SMYD3: variants seen among roughly 807,000 people sequenced by gnomAD.
SMYD3 encodes the protein SET and MYND domain containing 3.
A neutral mutation model predicts 57.7 loss-of-function variants in SMYD3; 36 were observed. The ratio of observed to expected loss-of-function variants is 0.62; its 90% confidence interval spans 0.48 to 0.82. SMYD3 has a LOEUF of 0.82. Among genes scored for constraint, SMYD3 ranks in the 40% least tolerant of loss-of-function variants. The pLI is 0.00. For synonymous variants in SMYD3, 211 were observed against 195.0 expected (o/e 1.08, Z -0.68); for missense variants, 515 against 538.8 (o/e 0.96, Z 0.44).
intron 5 of SMYD3, among the ~76,000 whole-genome samples, chr1:246,236,297 A>G (rs2063511397): frequency 6.6e-6 from 1 of 152,144 alleles, no homozygotes; most frequent in South Asian, 2.1e-4. Context: ...GTGGCGCAAT[A>G]ATAGCTCACT....
At chr1:246,032,434 C>G (rs1192681447) in intron 5 of SMYD3, among the ~76,000 whole-genome samples, 1 of 152,194 alleles carries the variant, frequency 6.6e-6, no homozygotes, top group Non-Finnish European at 1.5e-5. Context: ...CTGAGCATTA[C>G]CAGCCATGAG....
intron 10 of SMYD3, among the ~76,000 whole-genome samples, chr1:245,850,972 A>T (rs527815200): frequency 9.6e-4 from 146 of 151,952 alleles, no homozygotes; most frequent in Non-Finnish European, 1.6e-3. Context: ...ACAGGGGTTT[A>T]GCCATAGGGA....
At chr1:246,241,972 T>G (rs2063620165) in intron 5 of SMYD3, among the ~76,000 whole-genome samples, 1 of 152,110 alleles carries the variant, frequency 6.6e-6, no homozygotes, top group South Asian at 2.1e-4. Context: ...ATCTATTTGA[T>G]TCTTCTCTCT....
chr1:246,481,605 TATACACATAC>T (rs1469162046), intron 1 of SMYD3, among the ~76,000 whole-genome samples: 1,207 of 86,142 alleles, frequency 0.014, 112 homozygotes, highest in African/African-American at 0.057. Context: ...TATATATATA[TATACACATAC>T]ATATATACAT....
At chr1:246,013,650 T>C (rs1376442087) in intron 5 of SMYD3, among the ~76,000 whole-genome samples, 2 of 152,196 alleles carry the variant, frequency 1.3e-5, no homozygotes, top group Non-Finnish European at 2.9e-5. Flanking sequence ...AACTGACTGA[T>C]GGGTAAATCA....
At chr1:246,430,374 G>T (rs963473521) in intron 1 of SMYD3, among the ~76,000 whole-genome samples, 1 of 152,248 alleles carries the variant, frequency 6.6e-6, no homozygotes, top group South Asian at 2.1e-4. Context: ...AAGGCAAGAA[G>T]CAAGAGTAAA....
chr1:246,088,517 G>A (rs1269068254), intron 5 of SMYD3, among the ~76,000 whole-genome samples: 1 of 133,130 alleles, frequency 7.5e-6, no homozygotes, highest in East Asian at 2.3e-4. Flanking sequence ...GGCTGAGGCA[G>A]GAGAATGGCG....
At chr1:246,307,580 C>A (rs1009801423) in intron 5 of SMYD3, among the ~76,000 whole-genome samples, 6 of 151,610 alleles carry the variant, frequency 4.0e-5, no homozygotes, top group African/African-American at 1.2e-4. Context: ...CCACCACGCC[C>A]GGCTAATTTT....
At chr1:246,287,487 T>C (rs2064593107) in intron 5 of SMYD3, among the ~76,000 whole-genome samples, 1 of 152,178 alleles carries the variant, frequency 6.6e-6, no homozygotes, top group Non-Finnish European at 1.5e-5. Flanking sequence ...CAAACTGGGT[T>C]GGAGGGGGAC....
At chr1:245,913,399 T>A (rs927010289) in intron 8 of SMYD3, among the ~76,000 whole-genome samples, 1 of 150,988 alleles carries the variant, frequency 6.6e-6, no homozygotes, top group Non-Finnish European at 1.5e-5. Flanking sequence ...CATTAGGAGA[T>A]ATACCTAATG....
In SMYD3 at chr1:246,215,942, TCA is replaced by T. The variant is rs1369030607; in HGVS notation, c.531+111257_531+111258del. ...ATTGTATACTCTAACAGTCAATAAC[TCA>T]CAAGGAAACCGAATAGAGAGCGAAA... On this transcript the variant is annotated intron_variant, in intron 5 of 11. Transcript: ENST00000490107. Among the ~76,000 whole-genome samples the T allele has an allele frequency of 2.6e-5, 4 of 152,156 alleles. No homozygotes were observed. In the East Asian group the frequency reaches 7.7e-4, roughly 29 times the overall value.
intron 5 of SMYD3, among the ~76,000 whole-genome samples, chr1:246,076,434 A>G (rs2060548723): frequency 6.6e-6 from 1 of 152,216 alleles, no homozygotes; most frequent in African/African-American, 2.4e-5. Context: ...GTGTGTTTCT[A>G]ATATATCCCA....
chr1:246,143,396 G>A (rs916971915), intron 5 of SMYD3, among the ~76,000 whole-genome samples: 1 of 152,174 alleles, frequency 6.6e-6, no homozygotes, highest in East Asian at 1.9e-4. Context: ...AGTCAAAGCA[G>A]GACAGGCATG....
chr1:246,112,335 A>G (rs891647644), intron 5 of SMYD3, among the ~76,000 whole-genome samples: 2 of 152,226 alleles, frequency 1.3e-5, no homozygotes, highest in African/African-American at 4.8e-5. Context: ...ACAGTTAATG[A>G]AAAAAATCAG....
intron 5 of SMYD3, among the ~76,000 whole-genome samples, chr1:246,255,694 T>C (rs1484893676): frequency 3.3e-5 from 5 of 152,072 alleles, no homozygotes; most frequent in Admixed American, 6.6e-5. Flanking sequence ...TGGCTTGGTA[T>C]AGTTTCAAAA....
At chr1:246,383,038 A>C (rs1161385657) in intron 1 of SMYD3, among the ~76,000 whole-genome samples, 1 of 152,076 alleles carries the variant, frequency 6.6e-6, no homozygotes, top group Non-Finnish European at 1.5e-5. Flanking sequence ...CCCAAGATCC[A>C]GACCTGTCCC....
intron 10 of SMYD3, among the ~76,000 whole-genome samples, chr1:245,817,400 T>G (rs1164822050): frequency 6.8e-6 from 1 of 147,958 alleles, no homozygotes; most frequent in Non-Finnish European, 1.5e-5. Flanking sequence ...CATCTGTACA[T>G]CACCATCATC....
intron 5 of SMYD3, among the ~76,000 whole-genome samples, chr1:246,166,713 C>G (rs1291691805): frequency 6.6e-6 from 1 of 152,222 alleles, no homozygotes; most frequent in Non-Finnish European, 1.5e-5. Flanking sequence ...CAAATATGTG[C>G]TCCATAAAAG....
At chr1:246,392,788 A>G (rs1436489239) in intron 1 of SMYD3, among the ~76,000 whole-genome samples, 6 of 126,512 alleles carry the variant, frequency 4.7e-5, no homozygotes, top group Non-Finnish European at 8.4e-5. Context: ...AACAGCAAAA[A>G]AAAAAGAAAA....
Sources: gnomAD v4.1 joint callset for allele counts (sites outside exome capture counted in the v4.1 genomes callset) on GRCh38, gnomAD v4.1.1 for gene constraint, MANE v1.5 for transcripts, NCBI Gene and HGNC (gene_info 2026-07-23, HGNC 2026-07-21) for gene names.